The following SPATC1L variants were observed in gnomAD, a reference collection of about 807,000 sequenced individuals.
The protein encoded by SPATC1L is speriolin-like protein.
SPATC1L carries 20 observed loss-of-function variants against 21.2 expected under a neutral mutation model. The ratio of observed to expected loss-of-function variants is 0.94; its 90% CI spans 0.66 to 1.37. The LOEUF (loss-of-function observed/expected upper bound fraction) is 1.37, where lower values mean the gene tolerates loss of function less well. Ranked by LOEUF, SPATC1L falls within the 40% of genes most tolerant of loss-of-function variation. The probability of loss-of-function intolerance (pLI) is 0.00; values close to 1 mark genes in which losing one functional copy is unlikely to be tolerated. For missense variants in SPATC1L, 499 were observed against 478.7 expected, an observed-to-expected ratio of 1.04 and a Z score of -0.40; for synonymous variants, 290 against 234.5, an observed-to-expected ratio of 1.24 and a Z score of -2.16.
chr21:46,161,292 C>T lies in SPATC1L; in HGVS notation c.*87G>A. ...CGCGCGCGGGGGACGCGGCCCTTTC[C>T]CCTCCGGGGGGACGCGCAGGAGGCA... is the stretch of plus-strand genomic sequence containing the variant. On this transcript the variant is annotated 3_prime_UTR_variant, in exon 5 of 5. Coordinates refer to ENST00000291672, the MANE Select transcript of SPATC1L (RefSeq NM_001142854.2). 1.5e-6 allele frequency: 2 copies of T among 1,299,848 alleles called. No individual in the cohort carries two copies. Among genetic ancestry groups the T allele is most frequent in the South Asian group, 1.6e-5 (1 of 61,564 alleles). 80.5% of individuals were successfully genotyped at this position (1,299,848 alleles called of 1,614,324 possible).
chr21:46,168,907 C>T (rs754961575), intron 2 of SPATC1L, among the ~76,000 whole-genome samples: 4 of 152,206 alleles, frequency 2.6e-5, no homozygotes, highest in Non-Finnish European at 5.9e-5. Context: ...GCACAGCAAG[C>T]GGGCAGGCCT....
At chr21:46,184,084 G>C (rs553788204) in intron 1 of SPATC1L, among the ~76,000 whole-genome samples, 3 of 152,284 alleles carry the variant, frequency 2.0e-5, no homozygotes, top group Non-Finnish European at 2.9e-5. Flanking sequence ...GCCACCTACT[G>C]ACCTCACTCC....
In SPATC1L at chr21:46,168,406, A is replaced by G. The variant is rs375450066; in HGVS notation, c.446T>C (p.Leu149Pro). The stretch of plus-strand genomic sequence containing the variant: ...CCGGACCATCTCCCTGGGCTCCAGC[A>G]GGGTCTTGTCCACCAGTGAGTCTTG... ...PLQDSLVDKT[L>P]LEPREMVRPK... Residue 149 changes from leucine (L) to proline (P), a missense_variant, in exon 3 of 5, where the codon CTG (leucine) becomes CCG (proline). Coordinates refer to ENST00000291672, the MANE Select transcript of SPATC1L (RefSeq NM_001142854.2). 3 of 1,613,026 alleles carry G rather than the reference A, an allele frequency of 1.9e-6. No individual in the cohort carries two copies. The highest frequency in any genetic ancestry group is 2.5e-6 in the Non-Finnish European group (3 of 1,179,338).
At chr21:46,170,436 G>A (rs1385100333) in intron 2 of SPATC1L, among the ~76,000 whole-genome samples, 9 of 133,656 alleles carry the variant, frequency 6.7e-5, no homozygotes, top group African/African-American at 2.9e-4. Flanking sequence ...TGGATGGGGA[G>A]GAGCCTCCCT....
chr21:46,175,876 A>G (rs569252316), intron 2 of SPATC1L, among the ~76,000 whole-genome samples: 34 of 152,346 alleles, frequency 2.2e-4, no homozygotes, highest in African/African-American at 7.9e-4. Flanking sequence ...TCAGGCCAAT[A>G]TATTTGATGA....
At chr21:46,172,180 C>A (rs1405456960) in intron 2 of SPATC1L, among the ~76,000 whole-genome samples, 1 of 132,992 alleles carries the variant, frequency 7.5e-6, no homozygotes, top group African/African-American at 3.0e-5. Flanking sequence ...ATGCACAGAG[C>A]GTGAGGCGGA....
intron 2 of SPATC1L, among the ~76,000 whole-genome samples, chr21:46,173,570 G>A (rs4818827): frequency 0.71 from 108,154 of 151,872 alleles, 39,927 homozygotes; most frequent in East Asian, 0.99. Flanking sequence ...CCCCATACCC[G>A]CCAGAACCCT....
intron 3 of SPATC1L, among the ~76,000 whole-genome samples, chr21:46,162,602 T>TTTTTTTA (rs1555886657): frequency 6.7e-6 from 1 of 149,766 alleles, no homozygotes; most frequent in Non-Finnish European, 1.5e-5. Context: ...TTTTTTTTTT[T>TTTTTTTA]CTTAGACAGA....
chr21:46,177,460 A>G (rs2079640670), intron 2 of SPATC1L, among the ~76,000 whole-genome samples: 1 of 152,198 alleles, frequency 6.6e-6, no homozygotes, highest in African/African-American at 2.4e-5. Context: ...GGACATGAAC[A>G]CTTTTCTAAA....
Position 46,179,753 on chromosome 21 carries a change from C to T in SPATC1L, c.193+2871G>A, listed in dbSNP as rs77409385. Among the ~76,000 whole-genome samples the T allele has an allele frequency of 7.3e-3, 1,117 of 152,298 alleles. 13 individuals carry two copies. The highest frequency in any genetic ancestry group is 0.026 in the African/African-American group (1,063 of 41,550). ...AGGGGACACCTCTCCAGTGGAGACACGGCGAGTGGCATCGTGGCCGTGCTG... is the reference window on the plus strand; with the variant it reads ...AGGGGACACCTCTCCAGTGGAGACATGGCGAGTGGCATCGTGGCCGTGCTG... On this transcript the variant is annotated intron_variant, in intron 2 of 4. Coordinates refer to ENST00000291672, the MANE Select transcript of SPATC1L (RefSeq NM_001142854.2).
At position 46,184,401 on chromosome 21, in the gene SPATC1L, C is replaced by G. The variant is rs1317068641; in HGVS notation, c.-1004G>C. ...CCGAGGGTCTTGTTTTATCAGCAGC[C>G]GGGATGCAACAGATGGGTCATCTCA... On this transcript the variant is annotated 5_prime_UTR_variant, in exon 1 of 5. Coordinates refer to ENST00000291672, the MANE Select transcript of SPATC1L (RefSeq NM_001142854.2). 1 of 158,230 alleles carries G rather than the reference C, an allele frequency of 6.3e-6. No individual in the cohort carries two copies. The highest frequency in any genetic ancestry group is 1.4e-5 in the Non-Finnish European group (1 of 71,130). The allele number at this position is 158,230 out of a possible 1,614,324, so 9.8% of individuals were successfully genotyped here. A position where few individuals can be genotyped will look rare whatever the true frequency, so the allele number is the denominator to read the frequency against.
Position 46,161,644 on chromosome 21 carries a change from C to T in SPATC1L, c.758G>A (p.Arg253His), listed in dbSNP as rs780414636. 8.7e-6 allele frequency: 14 copies of T among 1,609,996 alleles called. No individual in the cohort carries two copies. The East Asian group carries it at 2.5e-4, about 28-fold the overall frequency. Residue 253 changes from arginine (R) to histidine (H), a missense_variant, in exon 5 of 5, where the codon CGC (arginine) becomes CAC (histidine). Physicochemically the swap from Arg to His is conservative, Grantham distance 29. Transcript: ENST00000291672. Reference protein sequence around the residue: ...DERKLRELTQRYLALSARLEK... With the variant: ...DERKLRELTQHYLALSARLEK... ...CAGGCGCGCGCTCAGGGCCAGGTAG[C>T]GCTGCGTCAGCTCGCGCAGCTTCCT... is the stretch of plus-strand genomic sequence containing the variant.
At chr21:46,172,740 G>A (rs868580464) in intron 2 of SPATC1L, among the ~76,000 whole-genome samples, 3 of 152,202 alleles carry the variant, frequency 2.0e-5, no homozygotes, top group East Asian at 3.9e-4. Context: ...CAGCTCCCAC[G>A]GAGGGCCTGA....
Position 46,182,856 on chromosome 21 carries a change from C to T in SPATC1L, c.-40G>A. 6.8e-7 allele frequency: 1 copy of T among 1,472,038 alleles called. No homozygotes were observed. 91.2% of individuals were successfully genotyped at this position (1,472,038 alleles called of 1,614,324 possible). A position where few individuals can be genotyped will look rare whatever the true frequency, so the allele number is the denominator to read the frequency against. ...TCCTTGTCCCTCACGGCTCCTGCAGCCCCATGGAGGTGGGAGCCCAGAGCC... is the reference window on the plus strand; with the variant it reads ...TCCTTGTCCCTCACGGCTCCTGCAGTCCCATGGAGGTGGGAGCCCAGAGCC... On this transcript the variant is annotated 5_prime_UTR_variant, in exon 2 of 5. Coordinates refer to ENST00000291672, the MANE Select transcript of SPATC1L (RefSeq NM_001142854.2).
chr21:46,172,083 GCA>G (rs2079595295), intron 2 of SPATC1L, among the ~76,000 whole-genome samples: 1 of 141,036 alleles, frequency 7.1e-6, no homozygotes, highest in African/African-American at 2.6e-5. Context: ...GGCGGGGGAT[GCA>G]CAGAGCATGA....
intron 2 of SPATC1L, 40 bp from the exon 3 acceptor site, chr21:46,168,698 C>T: frequency 7.8e-7 from 1 of 1,283,228 alleles, no homozygotes; most frequent in Non-Finnish European, 1.0e-6. Context: ...CAGGCTGATG[C>T]TCCTAAAACA....
chr21:46,161,837 G>A (rs2079496631), intron 4 of SPATC1L, 79 bp downstream of exon 4: 5 of 1,549,894 alleles, frequency 3.2e-6, no homozygotes, highest in South Asian at 2.3e-5. Flanking sequence ...GCCCGGCCAG[G>A]AGCCAAGATC....
At chr21:46,172,092 ATGAGG>A (rs2079595559) in intron 2 of SPATC1L, among the ~76,000 whole-genome samples, 2 of 51,654 alleles carry the variant, frequency 3.9e-5, no homozygotes, top group Non-Finnish European at 9.2e-5. Flanking sequence ...TGCACAGAGC[ATGAGG>A]CAGGAGTGCA....
In SPATC1L at chr21:46,182,696, C is replaced by G; in HGVS notation, c.121G>C (p.Glu41Gln). 6.5e-7 allele frequency: 1 copy of G among 1,544,732 alleles called. No homozygotes were observed. The highest frequency in any genetic ancestry group is 8.7e-7 in the Non-Finnish European group (1 of 1,146,574). The change falls in exon 2 of 5, where the codon GAG becomes CAG. Residue 41 changes from glutamate to glutamine, a missense_variant. Transcript: ENST00000291672. ...GGGAGCAGGTCGTGGCCGCCGCCCT[C>G]CTGGCAGCTCTGGCTGAGCAGCCGC... ...LRRLLSQSCQ[E>Q]GGGHDLLPPR... is the part of the protein sequence containing the mutation.
Sources: allele counts gnomAD v4.1 joint callset (sites outside exome capture counted in the v4.1 genomes callset), GRCh38; gene constraint gnomAD v4.1.1; transcripts MANE v1.5; gene names NCBI Gene and HGNC (gene_info 2026-07-23, HGNC 2026-07-21).